The following ACTR3C variants were observed in gnomAD, a reference collection of about 807,000 sequenced individuals.
The protein encoded by ACTR3C is actin-related protein 3C.
Under a neutral mutation model 26.3 loss-of-function variants are expected in ACTR3C, and 18 were observed. The ratio of observed to expected loss-of-function variants is 0.68; its 90% CI spans 0.47 to 1.01. The LOEUF (loss-of-function observed/expected upper bound fraction) is 1.01, where lower values mean the gene tolerates loss of function less well. Ranked by LOEUF, ACTR3C falls within the 50% of genes least tolerant of loss-of-function variation. The pLI, the probability that ACTR3C is intolerant of heterozygous loss-of-function variation, is 0.00. For synonymous variants in ACTR3C, 55 were observed against 94.5 expected, an observed-to-expected ratio of 0.58 and a Z score of 2.42; for missense variants, 184 against 250.7, an observed-to-expected ratio of 0.73 and a Z score of 1.80.
intron 5 of ACTR3C, among the ~76,000 whole-genome samples, chr7:150,286,051 G>A (rs1263121494): frequency 1.3e-5 from 2 of 152,168 alleles, no homozygotes; most frequent in Non-Finnish European, 2.9e-5. Flanking sequence ...CTTGAGAGTA[G>A]CTACTTGTAA....
the ACTR3C span, among the ~76,000 whole-genome samples, chr7:150,184,375 G>A: frequency 6.6e-6 from 1 of 150,796 alleles, no homozygotes; most frequent in Non-Finnish European, 1.5e-5. Context: ...AAGAACCCAG[G>A]CTGCAGCGGT....
the ACTR3C span, among the ~76,000 whole-genome samples, chr7:150,224,267 A>G: frequency 1.3e-5 from 2 of 152,186 alleles, no homozygotes; most frequent in Non-Finnish European, 2.9e-5. Context: ...GCCTTCCACA[A>G]TCAGCCCTCT....
chr7:150,139,972 G>GCACACACACACAC, the ACTR3C span, among the ~76,000 whole-genome samples: 6 of 151,670 alleles, frequency 4.0e-5, no homozygotes, highest in African/African-American at 1.5e-4. Flanking sequence ...ACACAAATAT[G>GCACACACACACAC]CACACACACA....
At chr7:150,259,177 C>A (rs1386627205) in intron 6 of ACTR3C, among the ~76,000 whole-genome samples, 2 of 150,440 alleles carry the variant, frequency 1.3e-5, no homozygotes, top group Non-Finnish European at 3.0e-5. Context: ...AATATCTTCA[C>A]AAACACAATG....
At chr7:150,038,331 C>T in the ACTR3C span, among the ~76,000 whole-genome samples, 3 of 143,368 alleles carry the variant, frequency 2.1e-5, no homozygotes, top group East Asian at 3.9e-4. Flanking sequence ...GGTTAAAAGT[C>T]CAGCTGCCAT....
At chr7:150,248,686 A>C (rs940255932) in intron 7 of ACTR3C, 19 of 233,558 alleles carry the variant, frequency 8.1e-5, no homozygotes, top group African/African-American at 4.2e-4. Context: ...AATAGGATTC[A>C]CAATCTTATC....
chr7:149,995,797 G>A, the ACTR3C span, among the ~76,000 whole-genome samples: 2 of 152,294 alleles, frequency 1.3e-5, no homozygotes, highest in Non-Finnish European at 2.9e-5. Context: ...AGCTCCGTGA[G>A]GGGCACCGTT....
chr7:150,236,954 A>G, the ACTR3C span, among the ~76,000 whole-genome samples: 1 of 151,482 alleles, frequency 6.6e-6, no homozygotes, highest in Non-Finnish European at 1.5e-5. Context: ...AAGGGCTATT[A>G]AAGCCTTGCA....
the ACTR3C span, among the ~76,000 whole-genome samples, chr7:150,223,281 G>T: frequency 2.0e-5 from 3 of 151,966 alleles, no homozygotes; most frequent in Admixed American, 1.3e-4. Flanking sequence ...ATATTCTATT[G>T]TATGGATGTA....
the ACTR3C span, among the ~76,000 whole-genome samples, chr7:149,992,196 C>T: frequency 2.6e-5 from 4 of 152,260 alleles, no homozygotes; most frequent in South Asian, 2.1e-4. Context: ...GGTCCAGAGC[C>T]GAAGGGTCCC....
the ACTR3C span, among the ~76,000 whole-genome samples, chr7:150,212,305 G>GA: frequency 2.7e-5 from 4 of 149,100 alleles, no homozygotes; most frequent in African/African-American, 1.0e-4. Context: ...AATAAAACCA[G>GA]AAAAAACAAT....
intron 6 of ACTR3C, among the ~76,000 whole-genome samples, chr7:150,273,715 C>A (rs2129611178): frequency 6.6e-6 from 1 of 151,710 alleles, no homozygotes; most frequent in South Asian, 2.1e-4. Flanking sequence ...ACCCCCCAGA[C>A]AGCAGACAAA....
the ACTR3C span, among the ~76,000 whole-genome samples, chr7:150,193,954 A>AAT: frequency 6.3e-3 from 926 of 146,942 alleles, 5 homozygotes; most frequent in African/African-American, 0.011. Flanking sequence ...GCTTTAAAAA[A>AAT]ATATATATAT....
the ACTR3C span, among the ~76,000 whole-genome samples, chr7:149,903,431 G>T: frequency 6.6e-6 from 1 of 151,866 alleles, no homozygotes; most frequent in African/African-American, 2.4e-5. Context: ...ATTCCCATAT[G>T]CTGGCAATAA....
intron 6 of ACTR3C, among the ~76,000 whole-genome samples, chr7:150,263,976 GC>G (rs1833843946): frequency 2.0e-5 from 3 of 152,242 alleles, no homozygotes; most frequent in Admixed American, 1.3e-4. Flanking sequence ...TGAGCTCTCA[GC>G]GGGGGCTAAG....
the ACTR3C span, among the ~76,000 whole-genome samples, chr7:150,134,701 T>C: frequency 6.6e-6 from 1 of 152,284 alleles, no homozygotes; most frequent in African/African-American, 2.4e-5. Flanking sequence ...CACCCTCTCC[T>C]TCATCTTCCA....
At chr7:150,205,016 C>T in the ACTR3C span, among the ~76,000 whole-genome samples, 4 of 152,348 alleles carry the variant, frequency 2.6e-5, no homozygotes, top group South Asian at 8.3e-4. Flanking sequence ...AAAAGTTTCT[C>T]TCTGAATGAA....
chr7:150,262,757 G>A (rs1833740940), intron 6 of ACTR3C, among the ~76,000 whole-genome samples: 2 of 151,806 alleles, frequency 1.3e-5, no homozygotes, highest in African/African-American at 4.8e-5. Context: ...AATAATAAAT[G>A]GAAAACTGGA....
the ACTR3C span, among the ~76,000 whole-genome samples, chr7:149,966,202 C>T: frequency 6.6e-6 from 1 of 152,148 alleles, no homozygotes; most frequent in African/African-American, 2.4e-5. Context: ...CCTGCAGGCT[C>T]TTGGGACAGG....
Sources: allele counts gnomAD v4.1 joint callset (sites outside exome capture counted in the v4.1 genomes callset), GRCh38; gene constraint gnomAD v4.1.1; transcripts MANE v1.5; gene names NCBI Gene and HGNC (gene_info 2026-07-23, HGNC 2026-07-21).